SCAMP4: variants seen among roughly 807,000 people sequenced by gnomAD.
SCAMP4 encodes secretory carrier membrane protein 4, also known as secretory carrier-associated membrane protein 4.
In SCAMP4, 19 loss-of-function variants were observed where a neutral mutation model predicts 32.1. The observed-to-expected ratio is 0.59, with a 90% CI of 0.41 to 0.87. The LOEUF is 0.87. SCAMP4 is among the 40% of genes least tolerant of loss of function. The probability of loss-of-function intolerance (pLI) is 0.00; values close to 1 mark genes in which losing one functional copy is unlikely to be tolerated. For synonymous variants in SCAMP4, 152 were observed against 132.7 expected, an observed-to-expected ratio of 1.15 and a Z score of -1.00; for missense variants, 302 against 309.0, an observed-to-expected ratio of 0.98 and a Z score of 0.17.
chr19:1,917,915 C>T, intron 3 of SCAMP4, 93 bp downstream of exon 3: 5 of 1,530,154 alleles, frequency 3.3e-6, no homozygotes, highest in Non-Finnish European at 8.9e-7. Flanking sequence ...CGTCGGGGGC[C>T]CACCGTCTAC....
intron 5 of SCAMP4, 186 bp downstream of exon 5, chr19:1,919,176 C>T (rs2013837672): frequency 7.0e-7 from 1 of 1,428,870 alleles, no homozygotes; most frequent in East Asian, 2.6e-5. Context: ...CTCGCCAGCA[C>T]CCAGCCATGG....
rs35608810 is a variant in SCAMP4, at chr19:1,908,815, C to T, written c.-42+3376C>T. Among the ~76,000 whole-genome samples, 4 of 152,020 alleles carry T rather than the reference C, an allele frequency of 2.6e-5. No individual in the cohort carries two copies. The East Asian group carries it at 5.8e-4, about 22-fold the overall frequency. ...TGCCCAACTAATTTATACTTTTAAG[C>T]AATGTGGGCTGGGCACGGTGGCTCA... On this transcript the variant is annotated intron_variant, in intron 1 of 6. Transcript: ENST00000316097. This position sits in a 1 kb window ranked among gnomAD's most constrained non-coding sequence, Gnocchi z 4.2.
At chr19:1,914,853 G>T in intron 1 of SCAMP4, 126 bp from the exon 2 acceptor site, 1 of 763,584 alleles carries the variant, frequency 1.3e-6, no homozygotes, top group East Asian at 2.7e-5. Context: ...TGTGGCTCCC[G>T]CTTAGCCCAC....
Position 1,918,111 on chromosome 19 carries a change from C to G in SCAMP4, c.137-16C>G. On this transcript the variant is annotated splice_polypyrimidine_tract_variant and intron_variant, in intron 3 of 6. Transcript: ENST00000316097. ...CCTCCCGTGCCTGCTCATCCGTCCT[C>G]CCTCTCTCTTCGCAGTTTACTGCGC... The G allele has an allele frequency of 6.2e-7, 1 of 1,602,442 alleles. No homozygotes were observed. The highest frequency in any genetic ancestry group is 8.5e-7 in the Non-Finnish European group (1 of 1,173,060).
At chr19:1,906,185 C>G (rs1218937546) in intron 1 of SCAMP4, 1 of 152,082 alleles carries the variant, frequency 6.6e-6, no homozygotes, top group African/African-American at 2.4e-5. Flanking sequence ...CATGGTGAAA[C>G]TCCATCTCTG....
chr19:1,910,898 C>T (rs1306345674), intron 1 of SCAMP4, among the ~76,000 whole-genome samples: 4 of 150,526 alleles, frequency 2.7e-5, no homozygotes, highest in Admixed American at 6.6e-5. Context: ...TTGACAGTCT[C>T]GCGCTGTTAC....
chr19:1,908,088 G>C lies in SCAMP4; in HGVS notation c.-42+2649G>C, dbSNP rs532669440. The C allele has an allele frequency of 1.1e-5, 2 of 186,342 alleles. No individual in the cohort carries two copies. The highest frequency in any genetic ancestry group is 4.8e-5 in the African/African-American group (2 of 41,728). 11.5% of individuals were successfully genotyped at this position (186,342 alleles called of 1,614,324 possible). On this transcript the variant is annotated intron_variant, in intron 1 of 6. Transcript: ENST00000316097. This position sits in a 1 kb window ranked among gnomAD's most constrained non-coding sequence, Gnocchi z 4.2. ...GAGGCTGTGTTTGTCTTTTACCCTGGAGACAGTGGAGTGTTTGTGGCCTAG... is the reference window on the plus strand; with the variant it reads ...GAGGCTGTGTTTGTCTTTTACCCTGCAGACAGTGGAGTGTTTGTGGCCTAG...
At position 1,923,113 on chromosome 19, in the gene SCAMP4, G is replaced by A. The variant is rs750361804; in HGVS notation, c.439G>A (p.Ala147Thr). 1.5e-4 allele frequency: 231 copies of A among 1,552,450 alleles called. No homozygotes were observed. Among genetic ancestry groups the A allele is most frequent in the Non-Finnish European group, 1.7e-4 (199 of 1,147,784 alleles). The change falls in exon 6 of 7, where the codon GCT becomes ACT. Residue 147 changes from alanine to threonine, a missense_variant. Coordinates refer to ENST00000316097, the MANE Select transcript of SCAMP4 (RefSeq NM_079834.4). ...AIGFFQYSPG[A>T]AVVMLLPAIM... ...TGGATTCTTCCAGTACAGCCCGGGC[G>A]CTGCCGTGGTCATGCTGCTTCCAGC... is the stretch of plus-strand genomic sequence containing the variant.
At chr19:1,921,416 G>A in intron 5 of SCAMP4, 1 of 983,680 alleles carries the variant, frequency 1.0e-6, no homozygotes, top group African/African-American at 1.8e-5. Context: ...GTGGCCACAT[G>A]GCGGCAGCCA....
chr19:1,920,753 C>G, intron 5 of SCAMP4: 1 of 985,586 alleles, frequency 1.0e-6, no homozygotes, highest in African/African-American at 1.7e-5. Flanking sequence ...TCCAGTGCCT[C>G]CTGTGAGCCG....
Position 1,905,444 on chromosome 19 carries a change from G to A in SCAMP4, c.-42+5G>A, listed in dbSNP as rs1451925717. 1.7e-5 allele frequency: 8 copies of A among 461,840 alleles called. No individual in the cohort carries two copies. Among genetic ancestry groups the A allele is most frequent in the Non-Finnish European group, 3.1e-5 (7 of 222,930 alleles). 28.6% of individuals were successfully genotyped at this position (461,840 alleles called of 1,614,324 possible). The stretch of plus-strand genomic sequence containing the variant: ...GCTCGCGCCCGGATCCCTCAGGTAA[G>A]CGCGCGGCCCCGAGGTCTCGGGTTC... On this transcript the variant is annotated splice_donor_5th_base_variant and intron_variant, in intron 1 of 6. Transcript: ENST00000316097.
chr19:1,912,678 G>T, intron 1 of SCAMP4: 4 of 1,445,356 alleles, frequency 2.8e-6, no homozygotes, highest in Non-Finnish European at 3.6e-6. Context: ...CTTGCGGGCC[G>T]TGGGGGCCGT....
At chr19:1,905,989 C>T (rs1193898690) in intron 1 of SCAMP4, 3 of 152,176 alleles carry the variant, frequency 2.0e-5, no homozygotes, top group African/African-American at 7.2e-5. Context: ...CACACACTAC[C>T]CCGAGGACCG....
intron 5 of SCAMP4, chr19:1,920,096 C>T (rs1427931494): frequency 2.2e-5 from 22 of 982,308 alleles, no homozygotes; most frequent in Non-Finnish European, 2.5e-5. Context: ...CAGGCGTGAG[C>T]CACTGTGCCT....
In SCAMP4 at chr19:1,924,386, A is replaced by G; in HGVS notation, c.*102A>G. 1 of 1,092,482 alleles carries G rather than the reference A, an allele frequency of 9.2e-7. No homozygotes were observed. The highest frequency in any genetic ancestry group is 1.3e-6 in the Non-Finnish European group (1 of 762,094). 67.7% of individuals were successfully genotyped at this position (1,092,482 alleles called of 1,614,324 possible). On this transcript the variant is annotated 3_prime_UTR_variant, in exon 7 of 7. Coordinates refer to ENST00000316097, the MANE Select transcript of SCAMP4 (RefSeq NM_079834.4). ...GGAGTACCTGGGGCCCCATCCCCCC[A>G]GCTGGGATGGTGGAAGCCGGTGGTG...
intron 5 of SCAMP4, chr19:1,920,175 G>C (rs1280699844): frequency 1.0e-6 from 1 of 985,334 alleles, no homozygotes; most frequent in Non-Finnish European, 1.2e-6. Context: ...GTTGCAGAGA[G>C]TGACTGTTCT....
intron 1 of SCAMP4, among the ~76,000 whole-genome samples, chr19:1,911,364 G>T (rs534034711): frequency 2.0e-5 from 3 of 152,000 alleles, no homozygotes; most frequent in Non-Finnish European, 4.4e-5. Flanking sequence ...TAGAAATGGG[G>T]TGTTGTTATG....
At position 1,923,992 on chromosome 19, in the gene SCAMP4, TCAGA is replaced by T. The variant is rs1174040810; in HGVS notation, c.514-112_514-109del. ...TTGGACTGGTCTCGAACTCCAGAGC[TCAGA>T]CAGTCTGTCTGCCTCGGCCTCCCGA... On this transcript the variant is annotated intron_variant, in intron 6 of 6. Coordinates refer to ENST00000316097, the MANE Select transcript of SCAMP4 (RefSeq NM_079834.4). 15 of 316,070 alleles carry T rather than the reference TCAGA, an allele frequency of 4.7e-5. 6 individuals carry two copies. Among genetic ancestry groups the T allele is most frequent in the Non-Finnish European group, 9.6e-5 (15 of 155,656 alleles). 19.6% of individuals were successfully genotyped at this position (316,070 alleles called of 1,614,324 possible).
At chr19:1,912,177 G>A in intron 1 of SCAMP4, 1 of 1,578,506 alleles carries the variant, frequency 6.3e-7, no homozygotes, top group Non-Finnish European at 8.6e-7. Context: ...GCCGTGGCAG[G>A]CCCTCCCTGT....
Sources: gnomAD v4.1 joint callset for allele counts (sites outside exome capture counted in the v4.1 genomes callset) on GRCh38, gnomAD v4.1.1 for gene constraint, Gnocchi (gnomAD v3.1) non-coding constraint, MANE v1.5 for transcripts, NCBI Gene and HGNC (gene_info 2026-07-23, HGNC 2026-07-21) for gene names.